NTM: variants seen among roughly 807,000 people sequenced by gnomAD.
NTM encodes neurotrimin.
Under a neutral mutation model 42.1 loss-of-function variants are expected in NTM, and 13 were observed. The ratio of observed to expected loss-of-function variants is 0.31; its 90% CI spans 0.20 to 0.49. The LOEUF (loss-of-function observed/expected upper bound fraction) is 0.49, where lower values mean the gene tolerates loss of function less well. NTM is among the 20% of genes least tolerant of loss of function. The pLI, the probability that NTM is intolerant of heterozygous loss-of-function variation, is 0.99. For synonymous variants in NTM, 187 were observed against 179.2 expected (o/e 1.04, Z -0.35); for missense variants, 373 against 452.8 (o/e 0.82, Z 1.60).
At chr11:131,553,818 C>T (rs142746936) in intron 1 of NTM, among the ~76,000 whole-genome samples, 1 of 152,312 alleles carries the variant, frequency 6.6e-6, no homozygotes, top group African/African-American at 2.4e-5. Flanking sequence ...TTCCCCATCA[C>T]CTGTAAAGTC....
chr11:132,070,612 A>T (rs1247198355), intron 2 of NTM, among the ~76,000 whole-genome samples: 2 of 130,694 alleles, frequency 1.5e-5, no homozygotes, highest in Non-Finnish European at 3.4e-5. Flanking sequence ...CAGGTTAGTT[A>T]ACACATCACA....
intron 1 of NTM, among the ~76,000 whole-genome samples, chr11:131,794,274 C>T (rs1390458467): frequency 1.3e-5 from 2 of 152,096 alleles, no homozygotes; most frequent in Non-Finnish European, 2.9e-5. Flanking sequence ...GTTTTGAGTA[C>T]AAGCCAATCA....
chr11:131,850,726 G>A (rs187730420), intron 1 of NTM, among the ~76,000 whole-genome samples: 9 of 152,272 alleles, frequency 5.9e-5, no homozygotes, highest in Admixed American at 3.9e-4. Flanking sequence ...CAGGTCAGGC[G>A]GTGCCATCGG....
intron 2 of NTM, among the ~76,000 whole-genome samples, chr11:132,100,460 C>T (rs896736040): frequency 6.6e-6 from 1 of 152,160 alleles, no homozygotes. Context: ...TTATGCAAGC[C>T]CCCTTTGAGT....
Position 131,598,766 on chromosome 11 carries a change from T to TTTTCTTTC in NTM, c.82+227889_82+227896dup, listed in dbSNP as rs112299623. The stretch of plus-strand genomic sequence containing the variant: ...TTCTTTCTTTCTTTCTTCTTTCTTT[T>TTTTCTTTC]TTTCTTTCTTTCTTTCTTCTTTCTT... On this transcript the variant is annotated intron_variant, in intron 1 of 8. Coordinates refer to ENST00000683400, the MANE Select transcript of NTM (RefSeq NM_001352005.2). 6.8e-4 allele frequency among the ~76,000 whole-genome samples: 23 copies of TTTTCTTTC among 33,930 alleles called. 3 individuals are homozygous for TTTTCTTTC. The highest frequency in any genetic ancestry group is 1.8e-3 in the African/African-American group (22 of 12,028). 22.3% of individuals were successfully genotyped at this position (33,930 alleles called of 152,430 possible).
intron 2 of NTM, among the ~76,000 whole-genome samples, chr11:132,042,472 C>G (rs2077335437): frequency 6.6e-6 from 1 of 152,190 alleles, no homozygotes; most frequent in Non-Finnish European, 1.5e-5. Flanking sequence ...TTCAATGTCC[C>G]AGATGCTGGG....
At chr11:132,256,830 C>T (rs981295296) in intron 4 of NTM, among the ~76,000 whole-genome samples, 22 of 152,210 alleles carry the variant, frequency 1.4e-4, no homozygotes, top group African/African-American at 2.2e-4. Flanking sequence ...GTGGGCCTGC[C>T]GCCCACGGAC....
At chr11:132,241,715 T>A (rs570540138) in intron 4 of NTM, among the ~76,000 whole-genome samples, 5 of 152,358 alleles carry the variant, frequency 3.3e-5, no homozygotes, top group East Asian at 3.9e-4. Flanking sequence ...GTAAAACTTC[T>A]GGGGTCTTTC....
intron 1 of NTM, among the ~76,000 whole-genome samples, chr11:131,746,133 C>G (rs930752472): frequency 6.6e-6 from 1 of 152,040 alleles, no homozygotes; most frequent in African/African-American, 2.4e-5. Flanking sequence ...TCTCCTACTG[C>G]CATGGATATA....
chr11:131,736,618 T>A (rs759382983), intron 1 of NTM, among the ~76,000 whole-genome samples: 5 of 152,186 alleles, frequency 3.3e-5, no homozygotes, highest in Non-Finnish European at 7.3e-5. Flanking sequence ...AGAGATGGTT[T>A]AATGTTAGCT....
At chr11:131,723,019 G>A (rs1157859942) in intron 1 of NTM, among the ~76,000 whole-genome samples, 1 of 152,188 alleles carries the variant, frequency 6.6e-6, no homozygotes, top group African/African-American at 2.4e-5. Flanking sequence ...TTAGTACTCT[G>A]CACAGACGGG....
In NTM at chr11:132,003,258, T is replaced by C. The variant is rs556246; in HGVS notation, c.167+91610T>C. ...CCCACACCCTTAGAGTTTTTTTTTC[T>C]TTTTTTTTTTTGACAGGTTATTTGT... On this transcript the variant is annotated intron_variant, in intron 2 of 8. Transcript: ENST00000683400. This position sits in a 1 kb window ranked among gnomAD's most constrained non-coding sequence, Gnocchi z 6.0. Among the ~76,000 whole-genome samples, 5,066 of 133,716 alleles carry C rather than the reference T, an allele frequency of 0.038. 124 individuals are homozygous for C. Among genetic ancestry groups the C allele is most frequent in the South Asian group, 0.14 (608 of 4,434 alleles). The allele number at this position is 133,716 out of a possible 152,430, so 87.7% of individuals were successfully genotyped here.
intron 2 of NTM, among the ~76,000 whole-genome samples, chr11:132,049,732 G>T (rs1160332087): frequency 6.6e-6 from 1 of 152,192 alleles, no homozygotes; most frequent in African/African-American, 2.4e-5. Flanking sequence ...AGCCATGGGT[G>T]CAGGGTGGGA....
In NTM at chr11:132,326,185, T is replaced by TA. The variant is rs563729013; in HGVS notation, c.935-3961dup. On this transcript the variant is annotated intron_variant, in intron 7 of 8. Transcript: ENST00000683400. ...AGTAAAATAATAATAAAATAAAAAA[T>TA]AAAAAAAGTGGCTAACATACAGTAT... Among the ~76,000 whole-genome samples, 53 of 151,630 alleles carry TA rather than the reference T, an allele frequency of 3.5e-4. No homozygotes were observed. The South Asian group carries it at 6.3e-3, about 18-fold the overall frequency.
intron 1 of NTM, among the ~76,000 whole-genome samples, chr11:131,725,259 T>C (rs2078822030): frequency 6.6e-6 from 1 of 152,142 alleles, no homozygotes; most frequent in Non-Finnish European, 1.5e-5. Flanking sequence ...AAGTACTATA[T>C]TAATGAACAA....
intron 2 of NTM, among the ~76,000 whole-genome samples, chr11:132,096,837 C>A (rs533787537): frequency 6.6e-6 from 1 of 152,248 alleles, no homozygotes; most frequent in South Asian, 2.1e-4. Context: ...ACAGGGTGAC[C>A]AAGGGTACCT....
chr11:132,052,801 G>GTGTGTT (rs1194802021), intron 2 of NTM, among the ~76,000 whole-genome samples: 1 of 151,658 alleles, frequency 6.6e-6, no homozygotes, highest in African/African-American at 2.4e-5. Context: ...GTGTGTGTGT[G>GTGTGTT]TGTAAATGCT....
At chr11:132,144,886 A>G (rs2070023855) in intron 2 of NTM, among the ~76,000 whole-genome samples, 1 of 152,218 alleles carries the variant, frequency 6.6e-6, no homozygotes, top group African/African-American at 2.4e-5. Context: ...CTCTCAGCAA[A>G]CTATCCCTGT....
intron 1 of NTM, among the ~76,000 whole-genome samples, chr11:131,561,677 ATTTG>A (rs1565641189): frequency 6.7e-6 from 1 of 149,296 alleles, no homozygotes; most frequent in African/African-American, 2.5e-5. Flanking sequence ...TGAGAGAACA[ATTTG>A]TTAGTATCCC....
Sources: allele counts gnomAD v4.1 joint callset (sites outside exome capture counted in the v4.1 genomes callset), GRCh38; gene constraint gnomAD v4.1.1; non-coding constraint Gnocchi (gnomAD v3.1); transcripts MANE v1.5; gene names NCBI Gene and HGNC (gene_info 2026-07-23, HGNC 2026-07-21).